The following MAD1L1 variants were observed in gnomAD, a reference collection of about 807,000 sequenced individuals.
MAD1L1 encodes mitotic spindle assembly checkpoint protein MAD1.
In MAD1L1, 95 loss-of-function variants were observed where a neutral mutation model predicts 96.9. The ratio of observed to expected loss-of-function variants is 0.98; its 90% CI spans 0.83 to 1.16. The LOEUF (loss-of-function observed/expected upper bound fraction) is 1.16. Among genes scored for constraint, MAD1L1 ranks in the 50% most tolerant of loss-of-function variants. MAD1L1 has a pLI of 0.00. For synonymous variants in MAD1L1, 473 were observed against 396.6 expected, an observed-to-expected ratio of 1.19 and a Z score of -2.29; for missense variants, 1,007 against 954.4, an observed-to-expected ratio of 1.06 and a Z score of -0.73.
At chr7:2,080,842 T>C (rs1785604712) in intron 11 of MAD1L1, among the ~76,000 whole-genome samples, 1 of 152,122 alleles carries the variant, frequency 6.6e-6, no homozygotes, top group Admixed American at 6.5e-5. Context: ...CGTTTTCGCC[T>C]CATTTCTCGG....
At chr7:1,844,797 T>A (rs548344550) in intron 18 of MAD1L1, among the ~76,000 whole-genome samples, 2 of 152,230 alleles carry the variant, frequency 1.3e-5, no homozygotes, top group African/African-American at 4.8e-5. Context: ...GGCGCGTGGG[T>A]ACAGTCAGCA....
At chr7:2,215,565 C>T (rs1274552679) in intron 9 of MAD1L1, among the ~76,000 whole-genome samples, 1 of 152,104 alleles carries the variant, frequency 6.6e-6, no homozygotes, top group African/African-American at 2.4e-5. Context: ...TGGCTTGTGG[C>T]CCGTCCTCCA....
chr7:1,966,861 A>G (rs1390129732), intron 15 of MAD1L1, among the ~76,000 whole-genome samples: 2 of 152,232 alleles, frequency 1.3e-5, no homozygotes, highest in Non-Finnish European at 2.9e-5. Flanking sequence ...GAGCTCCTTC[A>G]GGAACACGAG....
intron 18 of MAD1L1, among the ~76,000 whole-genome samples, chr7:1,831,614 A>G (rs916815640): frequency 6.6e-6 from 1 of 152,256 alleles, no homozygotes; most frequent in African/African-American, 2.4e-5. Flanking sequence ...TGCACCACAC[A>G]GCTAGCCTGC....
At chr7:2,219,256 A>T (rs1793456210) in intron 6 of MAD1L1, 76 bp downstream of exon 6, 2 of 1,359,924 alleles carry the variant, frequency 1.5e-6, no homozygotes, top group East Asian at 5.0e-5. Flanking sequence ...CATCCCACCC[A>T]GCCACCAGGA....
intron 12 of MAD1L1, among the ~76,000 whole-genome samples, chr7:2,031,964 CAG>C (rs1783247470): frequency 1.3e-5 from 2 of 152,224 alleles, no homozygotes; most frequent in South Asian, 2.1e-4. Flanking sequence ...ATCAGCAAAA[CAG>C]GGAATTAGAT....
chr7:2,211,973 C>T (rs759430695), intron 10 of MAD1L1, among the ~76,000 whole-genome samples: 4 of 152,242 alleles, frequency 2.6e-5, no homozygotes, highest in Non-Finnish European at 5.9e-5. Flanking sequence ...ACCAGCACCT[C>T]GGGCCCTGAG....
At position 2,210,205 on chromosome 7, in the gene MAD1L1, T is replaced by C. The variant is rs1431510185; in HGVS notation, c.986+3007A>G. Among the ~76,000 whole-genome samples, 6 of 152,154 alleles carry C rather than the reference T, an allele frequency of 3.9e-5. No homozygotes were observed. In the East Asian group the frequency reaches 1.2e-3, roughly 29 times the overall value. On this transcript the variant is annotated intron_variant, in intron 10 of 18. Transcript: ENST00000265854. ...CTCCCACCTTAGCCTCCTGAGTAGCTGGGACTACAGGTGCACACCACTGAG... is the reference window on the plus strand; with the variant it reads ...CTCCCACCTTAGCCTCCTGAGTAGCCGGGACTACAGGTGCACACCACTGAG...
intron 10 of MAD1L1, among the ~76,000 whole-genome samples, chr7:2,212,501 T>A (rs1793000852): frequency 1.3e-5 from 2 of 152,292 alleles, no homozygotes; most frequent in South Asian, 4.1e-4. Context: ...CTTGGGTCTG[T>A]CTTCATGATA....
intron 18 of MAD1L1, among the ~76,000 whole-genome samples, chr7:1,836,107 C>T (rs1175995048): frequency 7.2e-5 from 11 of 152,120 alleles, no homozygotes; most frequent in African/African-American, 1.7e-4. Context: ...CCACAACCTC[C>T]GCCTCCTGGG....
At chr7:2,225,267 TTCTTAAGACCTGGCAGGTACCATG>T in intron 4 of MAD1L1, 119 bp downstream of exon 4, 1 of 429,076 alleles carries the variant, frequency 2.3e-6, no homozygotes, top group Non-Finnish European at 3.8e-6. Context: ...GGGATCTGAT[TTCTTAAGACCTGGCAGGTACCATG>T]CACAGCCCCC....
intron 18 of MAD1L1, among the ~76,000 whole-genome samples, chr7:1,842,035 C>T (rs1207330197): frequency 6.6e-6 from 1 of 152,230 alleles, no homozygotes; most frequent in Non-Finnish European, 1.5e-5. Context: ...CCATCCGCTG[C>T]AAATTGCCTT....
rs985919042 is a variant in MAD1L1, at chr7:1,884,333, C to T, written c.1998+13867G>A. 3.9e-5 allele frequency among the ~76,000 whole-genome samples: 6 copies of T among 152,344 alleles called. No homozygotes were observed. In the East Asian group the frequency reaches 5.8e-4, roughly 15 times the overall value. The stretch of plus-strand genomic sequence containing the variant: ...CATCCACCAGTGCACCCCTAGCCAC[C>T]GACCCACATGTCCGGGCAGCCACCA... On this transcript the variant is annotated intron_variant, in intron 18 of 18. Transcript: ENST00000265854.
At chr7:2,228,854 C>T (rs1794049705) in intron 3 of MAD1L1, among the ~76,000 whole-genome samples, 1 of 151,978 alleles carries the variant, frequency 6.6e-6, no homozygotes, top group Non-Finnish European at 1.5e-5. Flanking sequence ...CATTCTCCTG[C>T]TCCAGCCTCC....
intron 12 of MAD1L1, among the ~76,000 whole-genome samples, chr7:2,058,577 G>A (rs533280759): frequency 8.8e-5 from 8 of 91,108 alleles, no homozygotes; most frequent in South Asian, 6.5e-4. Context: ...GCTGGAGAGG[G>A]AGTGTGGCCA....
chr7:1,869,321 G>C (rs1435399062), intron 18 of MAD1L1, among the ~76,000 whole-genome samples: 1 of 152,114 alleles, frequency 6.6e-6, no homozygotes, highest in Non-Finnish European at 1.5e-5. Context: ...TGAGTTCCCA[G>C]CATCTACCTC....
intron 12 of MAD1L1, among the ~76,000 whole-genome samples, chr7:2,034,940 G>T (rs1350569637): frequency 1.3e-5 from 2 of 152,240 alleles, no homozygotes. Context: ...AGAGTCCAGT[G>T]GTCAGAGCAC....
chr7:2,021,179 C>T (rs1039896090), intron 12 of MAD1L1, among the ~76,000 whole-genome samples: 3 of 152,074 alleles, frequency 2.0e-5, no homozygotes, highest in African/African-American at 7.2e-5. Context: ...TGATAATGGC[C>T]GAGATTTGTC....
chr7:2,029,214 T>C (rs143037405), intron 12 of MAD1L1, among the ~76,000 whole-genome samples: 2 of 152,170 alleles, frequency 1.3e-5, no homozygotes, highest in East Asian at 3.9e-4. Flanking sequence ...AGCCAAGAAA[T>C]AAAGAAATTC....
Sources: allele counts gnomAD v4.1 joint callset (sites outside exome capture counted in the v4.1 genomes callset), GRCh38; gene constraint gnomAD v4.1.1; transcripts MANE v1.5; gene names NCBI Gene and HGNC (gene_info 2026-07-23, HGNC 2026-07-21).